ZNF808: variants seen among roughly 807,000 people sequenced by gnomAD.
The protein encoded by ZNF808 is zinc finger protein 808.
ZNF808 carries 5 observed loss-of-function variants against 8.7 expected under a neutral mutation model. The ratio of observed to expected loss-of-function variants is 0.58; its 90% CI spans 0.30 to 1.21. The LOEUF (loss-of-function observed/expected upper bound fraction) is 1.21. Among genes scored for constraint, ZNF808 ranks in the 50% most tolerant of loss-of-function variants. ZNF808 has a pLI of 0.07. For synonymous variants in ZNF808, 380 were observed against 366.0 expected, an observed-to-expected ratio of 1.04 and a Z score of -0.44; for missense variants, 1,103 against 1,098.4, an observed-to-expected ratio of 1.00 and a Z score of -0.06.
rs376832844 is a variant in ZNF808, at chr19:52,535,678, A to C, written c.-20+2669A>C. On this transcript the variant is annotated intron_variant, in intron 2 of 4. Transcript: ENST00000359798. ...AATAGAAAGGGGGAGGATTTCTGTTATGTTCTGTGGGCCATCAGCATGAAA... is the reference window on the plus strand; with the variant it reads ...AATAGAAAGGGGGAGGATTTCTGTTCTGTTCTGTGGGCCATCAGCATGAAA... Among the ~76,000 whole-genome samples the C allele has an allele frequency of 1.3e-3, 204 of 152,264 alleles. 2 individuals are homozygous for C. Among genetic ancestry groups the C allele is most frequent in the Admixed American group, 3.2e-3 (49 of 15,296 alleles).
chr19:52,550,117 G>A (rs192760735), intron 4 of ZNF808, among the ~76,000 whole-genome samples: 1 of 152,268 alleles, frequency 6.6e-6, no homozygotes, highest in East Asian at 1.9e-4. Context: ...TTCATGCCCA[G>A]GATTAAGTCT....
At chr19:52,550,922 C>G (rs1483271102) in intron 4 of ZNF808, among the ~76,000 whole-genome samples, 2 of 152,078 alleles carry the variant, frequency 1.3e-5, no homozygotes, top group African/African-American at 4.8e-5. Context: ...ACTGTTCTGT[C>G]AGAAATAGCT....
rs1329518083 is a variant in ZNF808, at chr19:52,528,783, G to T, written c.-122+1072G>T. On this transcript the variant is annotated intron_variant, in intron 1 of 4. Transcript: ENST00000359798. ...ACAGGGGAGTATATCAGGGAAGAGA[G>T]AATTTAACAGGGAGAGCAGAGGAGG... Among the ~76,000 whole-genome samples, 7 of 152,046 alleles carry T rather than the reference G, an allele frequency of 4.6e-5. No homozygotes were observed. In the East Asian group the frequency reaches 9.6e-4, roughly 21 times the overall value.
chr19:52,529,214 CA>C (rs5828510), intron 1 of ZNF808, among the ~76,000 whole-genome samples: 21,805 of 127,164 alleles, frequency 0.17, 2,886 homozygotes, highest in African/African-American at 0.4. Context: ...CTATCTCTGC[CA>C]AAAAAAAAAA....
intron 1 of ZNF808, among the ~76,000 whole-genome samples, chr19:52,528,492 G>A (rs1339356076): frequency 1.3e-5 from 2 of 152,186 alleles, no homozygotes; most frequent in Non-Finnish European, 2.9e-5. Context: ...TATGGTGAAA[G>A]TGGAAAAAGA....
chr19:52,560,078 G>A (rs1237202570), downstream of ZNF808, among the ~76,000 whole-genome samples: 1 of 152,190 alleles, frequency 6.6e-6, no homozygotes, highest in African/African-American at 2.4e-5. Flanking sequence ...GCTCACGCCT[G>A]TAATCCCAGC....
At chr19:52,531,909 C>T (rs1185370148) in intron 1 of ZNF808, among the ~76,000 whole-genome samples, 2 of 152,164 alleles carry the variant, frequency 1.3e-5, no homozygotes, top group East Asian at 3.8e-4. Flanking sequence ...TTTACTTGAA[C>T]TCATACATCA....
downstream of ZNF808, among the ~76,000 whole-genome samples, chr19:52,559,293 C>G (rs1231478532): frequency 6.6e-6 from 1 of 152,096 alleles, no homozygotes; most frequent in Non-Finnish European, 1.5e-5. Context: ...GTGAGACATG[C>G]TGGAGGCAGT....
intron 2 of ZNF808, among the ~76,000 whole-genome samples, chr19:52,537,208 G>A (rs966556940): frequency 2.0e-5 from 3 of 150,836 alleles, no homozygotes; most frequent in African/African-American, 4.9e-5. Context: ...GGTTAAATAA[G>A]TTGTGAGGAT....
rs779883750 is a variant in ZNF808, at chr19:52,553,402, A to T, written c.486A>T (p.Ser162=). ...IKDQLGSSFY[S]HLPELHIFQI... is the part of the protein sequence containing the mutation. ...ATCAGCTTGGATCAAGCTTTTATTCACATCTGCCTGAACTCCACATATTTC... is the reference window on the plus strand; with the variant it reads ...ATCAGCTTGGATCAAGCTTTTATTCTCATCTGCCTGAACTCCACATATTTC... Residue 162 remains serine, a synonymous_variant, in exon 5 of 5, where the codon TCA becomes TCT. Coordinates refer to ENST00000359798, the MANE Select transcript of ZNF808 (RefSeq NM_001039886.4). 1 of 1,614,192 alleles carries T rather than the reference A, an allele frequency of 6.2e-7. No homozygotes were observed. The highest frequency in any genetic ancestry group is 8.5e-7 in the Non-Finnish European group (1 of 1,180,024).
intron 2 of ZNF808, among the ~76,000 whole-genome samples, chr19:52,540,107 G>T (rs2123114352): frequency 6.6e-6 from 1 of 152,136 alleles, no homozygotes; most frequent in Non-Finnish European, 1.5e-5. Flanking sequence ...CGCCTCCTGG[G>T]GTCAAGCGAT....
chr19:52,560,165 C>T (rs1409202821), downstream of ZNF808, among the ~76,000 whole-genome samples: 1 of 151,882 alleles, frequency 6.6e-6, no homozygotes, highest in African/African-American at 2.4e-5. Context: ...GAAATGCCAT[C>T]TCAACTAAAA....
At chr19:52,534,989 A>G (rs1254417037) in intron 2 of ZNF808, among the ~76,000 whole-genome samples, 1 of 152,076 alleles carries the variant, frequency 6.6e-6, no homozygotes, top group Non-Finnish European at 1.5e-5. Context: ...GAAAAGAATA[A>G]TATTGGATCT....
intron 3 of ZNF808, among the ~76,000 whole-genome samples, chr19:52,544,709 T>C (rs1368320810): frequency 1.3e-5 from 2 of 152,164 alleles, no homozygotes; most frequent in Non-Finnish European, 2.9e-5. Flanking sequence ...AGCCTTGATA[T>C]CCTGGCCTCA....
intron 3 of ZNF808, 125 bp from the exon 4 acceptor site, chr19:52,547,377 AAAAATACCTT>A: frequency 1.3e-6 from 2 of 1,523,820 alleles, no homozygotes; most frequent in Non-Finnish European, 1.8e-6. Flanking sequence ...AAAAATAGTC[AAAAATACCTT>A]AACATCCTTT....
At chr19:52,529,541 T>C (rs2059541619) in intron 1 of ZNF808, among the ~76,000 whole-genome samples, 1 of 152,122 alleles carries the variant, frequency 6.6e-6, no homozygotes, top group Non-Finnish European at 1.5e-5. Context: ...CTATAAAACA[T>C]GTACATTCTA....
intron 3 of ZNF808, among the ~76,000 whole-genome samples, chr19:52,546,129 G>T (rs2059717478): frequency 6.6e-6 from 1 of 151,738 alleles, no homozygotes; most frequent in Non-Finnish European, 1.5e-5. Context: ...TTAGAACAGT[G>T]TATAGCACAT....
downstream of ZNF808, among the ~76,000 whole-genome samples, chr19:52,557,974 C>T (rs1023346561): frequency 2.7e-5 from 4 of 148,936 alleles, no homozygotes; most frequent in Admixed American, 2.0e-4. Context: ...GTGACTCTGA[C>T]CCCTGAAATG....
In ZNF808 at chr19:52,529,193, TAGTG is replaced by T. The variant is rs574998133; in HGVS notation, c.-122+1485_-122+1488del. Among the ~76,000 whole-genome samples, 209 of 147,662 alleles carry T rather than the reference TAGTG, an allele frequency of 1.4e-3. 3 individuals carry two copies. Among genetic ancestry groups the T allele is most frequent in the Non-Finnish European group, 1.5e-4 (10 of 67,238 alleles). The stretch of plus-strand genomic sequence containing the variant: ...GAGTTCGAGACCAGCCTGGGCAACA[TAGTG>T]AGACCCCTATCTCTGCCAAAAAAAA... On this transcript the variant is annotated intron_variant, in intron 1 of 4. Coordinates refer to ENST00000359798, the MANE Select transcript of ZNF808 (RefSeq NM_001039886.4).
Sources: allele counts gnomAD v4.1 joint callset (sites outside exome capture counted in the v4.1 genomes callset), GRCh38; gene constraint gnomAD v4.1.1; transcripts MANE v1.5; gene names NCBI Gene and HGNC (gene_info 2026-07-23, HGNC 2026-07-21).